Variants in SP4 observed in about 807,000 individuals in gnomAD.
SP4 encodes Sp4 transcription factor.
SP4 carries 19 observed loss-of-function variants against 72.8 expected under a neutral mutation model. That is an observed-to-expected ratio of 0.26 (90% CI 0.18 to 0.38). SP4 has a LOEUF of 0.38. Among genes scored for constraint, SP4 ranks in the 10% least tolerant of loss-of-function variants. SP4 has a pLI of 1.00. For synonymous variants in SP4, 395 were observed against 333.1 expected (o/e 1.19, Z -2.02); for missense variants, 1,008 against 926.3 (o/e 1.09, Z -1.14).
At chr7:21,442,570 G>T (rs1783295510) in intron 3 of SP4, among the ~76,000 whole-genome samples, 1 of 152,144 alleles carries the variant, frequency 6.6e-6, no homozygotes, top group Non-Finnish European at 1.5e-5. Flanking sequence ...GAAGAAGGAA[G>T]AACTAGTTCT....
Position 21,477,161 on chromosome 7 carries a change from T to C in SP4, c.1761T>C (p.Asn587=). ...PVTVAVGGIA[N]ATIGAVSPDQ... Reference sequence around the variant, plus strand: ...CTGTAGCAGTTGGAGGAATTGCTAATGCCACGATAGGTGCTGTTAGTCCTG... The same window carrying C: ...CTGTAGCAGTTGGAGGAATTGCTAACGCCACGATAGGTGCTGTTAGTCCTG... Residue 587 remains asparagine, a synonymous_variant, in exon 4 of 6, where the codon AAT becomes AAC. Transcript: ENST00000222584. 1 of 1,614,188 alleles carries C rather than the reference T, an allele frequency of 6.2e-7. No individual in the cohort carries two copies. Among genetic ancestry groups the C allele is most frequent in the Non-Finnish European group, 8.5e-7 (1 of 1,179,968 alleles).
At chr7:21,486,470 T>C (rs1784814352) in intron 5 of SP4, among the ~76,000 whole-genome samples, 1 of 152,164 alleles carries the variant, frequency 6.6e-6, no homozygotes, top group African/African-American at 2.4e-5. Context: ...TCTCCTGCAA[T>C]CTGTGACTTT....
intron 3 of SP4, among the ~76,000 whole-genome samples, chr7:21,449,354 AT>A (rs778478629): frequency 9.2e-5 from 14 of 152,150 alleles, no homozygotes; most frequent in Non-Finnish European, 1.8e-4. Flanking sequence ...TAACAAACTT[AT>A]CTTTTCAGTG....
chr7:21,505,176 A>C (rs182482823), intron 5 of SP4, among the ~76,000 whole-genome samples: 1 of 152,320 alleles, frequency 6.6e-6, no homozygotes, highest in African/African-American at 2.4e-5. Flanking sequence ...TAAATCTAAA[A>C]ATTTTTGGAG....
In SP4 at chr7:21,430,557, A is replaced by G. The variant is rs755333944; in HGVS notation, c.1392A>G (p.Ser464=). The G allele has an allele frequency of 9.3e-6, 15 of 1,614,238 alleles. No individual in the cohort carries two copies. The East Asian group carries it at 2.2e-4, about 24-fold the overall frequency. ...TCAGGGCTCCAACTTTAACACCTTC[A>G]GGGCAAATCAGTTGGCAAACTGTAC... The part of the protein sequence containing the change: ...VLIRAPTLTP[S]GQISWQTVQV... Residue 464 remains serine, a synonymous_variant, in exon 3 of 6, where the codon TCA becomes TCG. Coordinates refer to ENST00000222584, the MANE Select transcript of SP4 (RefSeq NM_003112.5).
chr7:21,510,924 C>A, intron 5 of SP4, 98 bp from the exon 6 acceptor site: 1 of 1,225,596 alleles, frequency 8.2e-7, no homozygotes, highest in Non-Finnish European at 1.1e-6. Context: ...TGAAACTGTA[C>A]AAAAAGTCAT....
intron 3 of SP4, among the ~76,000 whole-genome samples, chr7:21,469,676 G>C (rs1180253718): frequency 1.3e-5 from 2 of 151,510 alleles, no homozygotes; most frequent in African/African-American, 4.9e-5. Context: ...CAAGTAGCTG[G>C]GACTACAGGT....
rs547202237 is a variant in SP4 at position 21,428,482 on chromosome 7, G to C, written c.8-195G>C. 1.5e-4 allele frequency among the ~76,000 whole-genome samples: 23 copies of C among 152,146 alleles called. No homozygotes were observed. The South Asian group carries it at 4.4e-3, about 29-fold the overall frequency. On this transcript the variant is annotated intron_variant, in intron 1 of 5. Transcript: ENST00000222584. Reference sequence around the variant, plus strand: ...TGTTGCTCTGGAGCCGATGGGTCGGGTTTCAAACCACGTTTTGTGATATCC... The same window carrying C: ...TGTTGCTCTGGAGCCGATGGGTCGGCTTTCAAACCACGTTTTGTGATATCC...
chr7:21,450,356 G>GT (rs1427177551), intron 3 of SP4, among the ~76,000 whole-genome samples: 1 of 152,024 alleles, frequency 6.6e-6, no homozygotes, highest in African/African-American at 2.4e-5. Flanking sequence ...AGTGATTTTT[G>GT]TTTTTTTAAT....
intron 4 of SP4, among the ~76,000 whole-genome samples, chr7:21,480,293 C>T (rs988605950): frequency 1.3e-5 from 2 of 152,018 alleles, no homozygotes; most frequent in Admixed American, 1.3e-4. Flanking sequence ...GAAAGTATTC[C>T]CTCCAAACTG....
Position 21,512,485 on chromosome 7 carries a change from G to A in SP4, c.*1216G>A, listed in dbSNP as rs573043493. On this transcript the variant is annotated 3_prime_UTR_variant, in exon 6 of 6. Transcript: ENST00000222584. ...CAAAACTTTTATTTTTGAAAAGGCA[G>A]AATAATTTTCAGTGAAGTAAGTGAC... 1 of 150,632 alleles carries A rather than the reference G, an allele frequency of 6.6e-6. No individual in the cohort carries two copies. Among genetic ancestry groups the A allele is most frequent in the East Asian group, 1.9e-4 (1 of 5,148 alleles). 9.3% of individuals were successfully genotyped at this position (150,632 alleles called of 1,614,324 possible). A position where few individuals can be genotyped will look rare whatever the true frequency, so the allele number is the denominator to read the frequency against.
chr7:21,469,324 C>T (rs998929741), intron 3 of SP4, among the ~76,000 whole-genome samples: 1 of 152,014 alleles, frequency 6.6e-6, no homozygotes, highest in Non-Finnish European at 1.5e-5. Context: ...ATCATCACAT[C>T]AAAATGATAA....
chr7:21,488,827 A>G (rs115665636), intron 5 of SP4, among the ~76,000 whole-genome samples: 3,466 of 152,198 alleles, frequency 0.023, 54 homozygotes, highest in African/African-American at 0.037. Flanking sequence ...GATAATGTCT[A>G]TAATAACGAT....
chr7:21,510,206 A>C (rs1782106527), intron 5 of SP4, among the ~76,000 whole-genome samples: 1 of 152,214 alleles, frequency 6.6e-6, no homozygotes, highest in African/African-American at 2.4e-5. Flanking sequence ...GTTTTATCAG[A>C]CTGGGAAAAC....
intron 5 of SP4, among the ~76,000 whole-genome samples, chr7:21,508,807 CTT>C (rs11418275): frequency 2.1e-4 from 23 of 111,540 alleles, no homozygotes; most frequent in African/African-American, 2.8e-4. Flanking sequence ...TGTCTACACA[CTT>C]TTTTTTTTTT....
At chr7:21,436,829 TTAAAAA>T (rs1783065203) in intron 3 of SP4, among the ~76,000 whole-genome samples, 1 of 152,204 alleles carries the variant, frequency 6.6e-6, no homozygotes, top group South Asian at 2.1e-4. Flanking sequence ...CTAAGGTAAC[TTAAAAA>T]TAAATGAGCC....
Position 21,511,220 on chromosome 7 carries a change from A to G in SP4, c.2306A>G (p.Asp769Gly). ...RIVTVAAISQ[D>G]SNPATPNVST... ...GTCACAGTTGCAGCCATTTCTCAAG[A>G]TTCGAATCCAGCAACTCCCAATGTT... The change falls in exon 6 of 6, where the codon GAT (aspartate) becomes GGT (glycine). Residue 769 changes from aspartate (D) to glycine (G), a missense_variant. Asp to Gly is a moderately conservative substitution (Grantham distance 94). Around this residue, in one of 3 missense-constraint regions of SP4, gnomAD observed 67 missense variants for 66.1 expected, o/e 1.01. Coordinates refer to ENST00000222584, the MANE Select transcript of SP4 (RefSeq NM_003112.5). 1 of 1,614,166 alleles carries G rather than the reference A, an allele frequency of 6.2e-7. No individual in the cohort carries two copies. Among genetic ancestry groups the G allele is most frequent in the Non-Finnish European group, 8.5e-7 (1 of 1,180,002 alleles).
At chr7:21,456,339 A>C (rs746513717) in intron 3 of SP4, among the ~76,000 whole-genome samples, 8 of 152,238 alleles carry the variant, frequency 5.3e-5, no homozygotes, top group Non-Finnish European at 1.2e-4. Context: ...TAACAGGAAC[A>C]AAAGGTGTAT....
At chr7:21,457,720 C>G (rs1393475847) in intron 3 of SP4, among the ~76,000 whole-genome samples, 3 of 151,892 alleles carry the variant, frequency 2.0e-5, no homozygotes, top group East Asian at 3.9e-4. Flanking sequence ...CCCAGTGTGA[C>G]AAAGGGGTAA....
Sources: allele counts gnomAD v4.1 joint callset (sites outside exome capture counted in the v4.1 genomes callset), GRCh38; gene constraint gnomAD v4.1.1; regional missense constraint gnomAD v4.1.1; transcripts MANE v1.5; gene names NCBI Gene and HGNC (gene_info 2026-07-23, HGNC 2026-07-21).